The following PMFBP1 variants were observed in gnomAD, a reference collection of about 807,000 sequenced individuals.
PMFBP1 encodes polyamine modulated factor 1 binding protein 1.
PMFBP1 carries 131 observed loss-of-function variants against 137.8 expected under a neutral mutation model. The observed-to-expected ratio is 0.95, with a 90% confidence interval of 0.82 to 1.10. The LOEUF (loss-of-function observed/expected upper bound fraction) is 1.10, where lower values mean the gene tolerates loss of function less well. Among genes scored for constraint, PMFBP1 ranks in the 50% least tolerant of loss-of-function variants. PMFBP1 has a pLI of 0.00. For synonymous variants in PMFBP1, 490 were observed against 450.4 expected, an observed-to-expected ratio of 1.09 and a Z score of -1.11; for missense variants, 1,199 against 1,175.4, an observed-to-expected ratio of 1.02 and a Z score of -0.29.
the PMFBP1 span, among the ~76,000 whole-genome samples, chr16:72,219,583 A>G: frequency 2.6e-5 from 4 of 152,228 alleles, no homozygotes; most frequent in Middle Eastern, 3.4e-3. Flanking sequence ...GATGGAAAAC[A>G]TGAGTGAGGA....
Position 72,150,819 on chromosome 16 carries a change from T to G in PMFBP1, c.425A>C (p.Tyr142Ser), listed in dbSNP as rs373879433. ...CKLKEDEVILYEEEMGNHNEN... is the reference protein window; with the variant it reads ...CKLKEDEVILSEEEMGNHNEN... The stretch of plus-strand genomic sequence containing the variant: ...GTTGTGATTTCCCATTTCCTCCTCA[T>G]AGAGAATCACCTGTAGGTGTAGGAA... The change falls in exon 5 of 21, where the codon TAT (tyrosine) becomes TCT (serine). Residue 142 changes from tyrosine (Y) to serine (S), a missense_variant. By Grantham distance (144) the Tyr-to-Ser change is moderately radical. Transcript: ENST00000237353. 9 of 1,613,402 alleles carry G rather than the reference T, an allele frequency of 5.6e-6. No individual in the cohort carries two copies. The highest frequency in any genetic ancestry group is 6.8e-6 in the Non-Finnish European group (8 of 1,179,870).
chr16:72,118,795 A>G (rs1597454755), downstream of PMFBP1, among the ~76,000 whole-genome samples: 1 of 152,250 alleles, frequency 6.6e-6, no homozygotes, highest in Admixed American at 6.5e-5. Context: ...TTGCTCCCCC[A>G]CTTGGAAAAT....
the PMFBP1 span, among the ~76,000 whole-genome samples, chr16:72,244,879 C>T: frequency 6.6e-6 from 1 of 152,196 alleles, no homozygotes; most frequent in African/African-American, 2.4e-5. Flanking sequence ...AAAACCAGAG[C>T]TGGCCTGAAA....
chr16:72,116,908 G>C (rs569196473), downstream of PMFBP1, among the ~76,000 whole-genome samples: 136 of 152,034 alleles, frequency 8.9e-4, no homozygotes, highest in African/African-American at 3.1e-3. Context: ...TTTGATTACT[G>C]TAGGTTTGTA....
In PMFBP1 at chr16:72,133,335, C is replaced by T. The variant is rs11641149; in HGVS notation, c.1204-344G>A. ...TTGGGATTACAGGTGTCCACCACCA[C>T]GCCTGGCTAATATTTGTATTTTTAT... On this transcript the variant is annotated intron_variant, in intron 9 of 20. Transcript: ENST00000237353. Among the ~76,000 whole-genome samples, 1,164 of 152,022 alleles carry T rather than the reference C, an allele frequency of 7.7e-3. 11 individuals are homozygous for T. The highest frequency in any genetic ancestry group is 9.4e-3 in the Non-Finnish European group (641 of 67,956).
At chr16:72,153,313 A>G (rs1042314644) in intron 4 of PMFBP1, among the ~76,000 whole-genome samples, 2 of 152,196 alleles carry the variant, frequency 1.3e-5, no homozygotes, top group Admixed American at 1.3e-4. Flanking sequence ...TAAAAAGTCT[A>G]TGGTCTGTAA....
the PMFBP1 span, among the ~76,000 whole-genome samples, chr16:72,245,577 G>A: frequency 0.032 from 4,807 of 152,304 alleles, 126 homozygotes; most frequent in South Asian, 0.12. Context: ...AGACCCTACA[G>A]AGACATGTTT....
upstream of PMFBP1, among the ~76,000 whole-genome samples, chr16:72,174,836 C>A (rs2043251952): frequency 6.6e-6 from 1 of 152,150 alleles, no homozygotes; most frequent in Non-Finnish European, 1.5e-5. Context: ...CCACCAGCTC[C>A]CTATCACAAC....
chr16:72,218,009 T>C, the PMFBP1 span, among the ~76,000 whole-genome samples: 14 of 152,218 alleles, frequency 9.2e-5, no homozygotes, highest in African/African-American at 3.4e-4. Flanking sequence ...CAGTAGCTAC[T>C]GCTATACAGT....
chr16:72,146,158 T>C (rs2042802908), intron 5 of PMFBP1, among the ~76,000 whole-genome samples: 1 of 152,210 alleles, frequency 6.6e-6, no homozygotes, highest in Non-Finnish European at 1.5e-5. Flanking sequence ...CAGCAGCACA[T>C]CAAAAAGCTT....
the PMFBP1 span, among the ~76,000 whole-genome samples, chr16:72,248,916 T>G: frequency 5.3e-5 from 8 of 152,172 alleles, no homozygotes. Context: ...ACTCACCGAG[T>G]GCAGAGCAGG....
chr16:72,187,813 T>C, the PMFBP1 span, among the ~76,000 whole-genome samples: 1 of 152,234 alleles, frequency 6.6e-6, no homozygotes, highest in Non-Finnish European at 1.5e-5. Context: ...GATTGTTCTA[T>C]TTTAAGCCAA....
At chr16:72,149,303 T>C (rs182706129) in intron 5 of PMFBP1, among the ~76,000 whole-genome samples, 1 of 152,208 alleles carries the variant, frequency 6.6e-6, no homozygotes, top group Admixed American at 6.5e-5. Context: ...TAATTATTAT[T>C]GGTAAAAGTG....
the PMFBP1 span, among the ~76,000 whole-genome samples, chr16:72,204,799 A>G: frequency 2.0e-5 from 3 of 152,280 alleles, no homozygotes; most frequent in South Asian, 2.1e-4. Flanking sequence ...ACCCAACAAA[A>G]CTTTCTGTGA....
At chr16:72,128,251 C>T in intron 14 of PMFBP1, 1 of 631,406 alleles carries the variant, frequency 1.6e-6, no homozygotes, top group Non-Finnish European at 2.3e-6. Context: ...GCTATTTACT[C>T]CTTTCTGTCA....
chr16:72,164,594 T>C (rs2043115943), intron 3 of PMFBP1, 170 bp downstream of exon 3: 1 of 1,203,720 alleles, frequency 8.3e-7, no homozygotes, highest in East Asian at 2.5e-5. Flanking sequence ...GCATTTTCCA[T>C]GTGTATGTGC....
At chr16:72,246,094 G>A in the PMFBP1 span, among the ~76,000 whole-genome samples, 1 of 152,148 alleles carries the variant, frequency 6.6e-6, no homozygotes, top group Non-Finnish European at 1.5e-5. Context: ...TGGGGAGGGA[G>A]GAGATTACAG....
the PMFBP1 span, among the ~76,000 whole-genome samples, chr16:72,188,597 G>A: frequency 2.6e-5 from 4 of 152,290 alleles, no homozygotes; most frequent in African/African-American, 9.6e-5. Context: ...CAGGTATGAA[G>A]GATGGAAAAT....
At chr16:72,219,039 TATAAC>T in the PMFBP1 span, among the ~76,000 whole-genome samples, 1 of 152,208 alleles carries the variant, frequency 6.6e-6, no homozygotes, top group Non-Finnish European at 1.5e-5. Flanking sequence ...ATTTATGACA[TATAAC>T]ATGATGTTTT....
Sources: allele counts gnomAD v4.1 joint callset (sites outside exome capture counted in the v4.1 genomes callset), GRCh38; gene constraint gnomAD v4.1.1; transcripts MANE v1.5; gene names NCBI Gene and HGNC (gene_info 2026-07-23, HGNC 2026-07-21).